Variants in DNAH7 observed in about 807,000 individuals in gnomAD.
DNAH7 encodes dynein axonemal heavy chain 7, also known as axonemal beta dynein heavy chain 7.
A neutral mutation model predicts 444.6 loss-of-function variants in DNAH7; 397 were observed. That is an observed-to-expected ratio of 0.89 (90% confidence interval 0.82 to 0.97). DNAH7 has a LOEUF of 0.97. Among genes scored for constraint, DNAH7 ranks in the 50% least tolerant of loss-of-function variants. The pLI is 0.00. For synonymous variants in DNAH7, 1,636 were observed against 1,624.4 expected (o/e 1.01, Z -0.17); for missense variants, 4,902 against 4,800.8 (o/e 1.02, Z -0.62).
At chr2:195,871,134 C>T (rs578147313) in intron 40 of DNAH7, among the ~76,000 whole-genome samples, 4 of 152,242 alleles carry the variant, frequency 2.6e-5, no homozygotes, top group African/African-American at 4.8e-5. Flanking sequence ...GCAAGTGGAA[C>T]GGATCTTCAC....
At chr2:195,973,700 A>C (rs1691999050) in intron 15 of DNAH7, among the ~76,000 whole-genome samples, 1 of 151,954 alleles carries the variant, frequency 6.6e-6, no homozygotes, top group Admixed American at 6.6e-5. Context: ...TCGAACTCCT[A>C]ATCTCAGGTG....
chr2:195,848,519 T>C (rs1455900100), intron 46 of DNAH7, among the ~76,000 whole-genome samples: 3 of 152,218 alleles, frequency 2.0e-5, no homozygotes, highest in African/African-American at 7.2e-5. Context: ...TTATATGAGC[T>C]TATGTGTGAT....
At chr2:195,939,946 C>G (rs1270993253) in intron 19 of DNAH7, among the ~76,000 whole-genome samples, 1 of 152,122 alleles carries the variant, frequency 6.6e-6, no homozygotes, top group African/African-American at 2.4e-5. Context: ...GGCCATACTG[C>G]CCAAAGTAAT....
At chr2:195,881,707 A>AT in intron 36 of DNAH7, 88 bp downstream of exon 36, 1 of 1,380,070 alleles carries the variant, frequency 7.2e-7, no homozygotes, top group Non-Finnish European at 1.0e-6. Flanking sequence ...GTACTTGAGT[A>AT]TTTTTAAAAA....
At chr2:195,792,809 G>C (rs1413322324) in intron 57 of DNAH7, among the ~76,000 whole-genome samples, 1 of 151,906 alleles carries the variant, frequency 6.6e-6, no homozygotes, top group African/African-American at 2.4e-5. Context: ...GGGAGGGATG[G>C]TCAGGGGAAG....
intron 1 of DNAH7, among the ~76,000 whole-genome samples, chr2:196,066,565 A>T (rs1698441218): frequency 6.6e-6 from 1 of 152,152 alleles, no homozygotes; most frequent in Admixed American, 6.5e-5. Flanking sequence ...AAACCTCTCA[A>T]AGTTTTTCAA....
chr2:196,036,115 T>C (rs1480500114), intron 5 of DNAH7, among the ~76,000 whole-genome samples: 1 of 148,354 alleles, frequency 6.7e-6, no homozygotes, highest in Non-Finnish European at 1.5e-5. Flanking sequence ...CACTGAAACC[T>C]CTGCCTCCTG....
At chr2:195,812,533 C>T (rs945640768) in intron 51 of DNAH7, among the ~76,000 whole-genome samples, 1 of 151,904 alleles carries the variant, frequency 6.6e-6, no homozygotes, top group Non-Finnish European at 1.5e-5. Context: ...TATTCTGTTA[C>T]ATAAATTCTA....
intron 3 of DNAH7, among the ~76,000 whole-genome samples, chr2:196,049,300 A>G (rs541146922): frequency 1.3e-5 from 2 of 152,304 alleles, no homozygotes; most frequent in East Asian, 3.9e-4. Flanking sequence ...GGATAAGAAA[A>G]CATGTAAGAC....
intron 64 of DNAH7, among the ~76,000 whole-genome samples, chr2:195,740,389 C>A: frequency 6.6e-6 from 1 of 152,040 alleles, no homozygotes; most frequent in Non-Finnish European, 1.5e-5. Context: ...AATGACTCAA[C>A]ATTGTGTATT....
chr2:195,817,751 G>A lies in DNAH7; in HGVS notation c.9370C>T (p.Pro3124Ser). 6.2e-7 allele frequency: 1 copy of A among 1,612,898 alleles called. No individual in the cohort carries two copies. The change falls in exon 50 of 65, where the codon CCA (proline) becomes TCA (serine). Residue 3124 changes from proline to serine, a missense_variant. Coordinates refer to ENST00000312428, the MANE Select transcript of DNAH7 (RefSeq NM_018897.3). ...LLGIVVAQER[P>S]DLEEEKQALI... ...GCTTGCTTTTCTTCTTCAAGGTCTG[G>A]CCTTTCTTGTGCCACCACAATTCCC...
At chr2:195,807,283 A>G (rs1559110948) in intron 53 of DNAH7, among the ~76,000 whole-genome samples, 2 of 151,888 alleles carry the variant, frequency 1.3e-5, no homozygotes, top group East Asian at 1.9e-4. Context: ...CAGCCTCCTG[A>G]GTAACTGGGA....
intron 6 of DNAH7, among the ~76,000 whole-genome samples, chr2:196,027,485 C>T (rs10931716): frequency 0.73 from 110,736 of 151,774 alleles, 40,563 homozygotes; most frequent in East Asian, 0.9. Flanking sequence ...CTTCAATATA[C>T]GTTCACAAAT....
At position 195,960,571 on chromosome 2, in the gene DNAH7, AAT is replaced by A; in HGVS notation, c.2578_2579del (p.Ile860CysfsTer10). On this transcript the variant is annotated frameshift_variant, in exon 18 of 65. Coordinates refer to ENST00000312428, the MANE Select transcript of DNAH7 (RefSeq NM_018897.3). LOFTEE classifies it high-confidence loss of function. Reference protein sequence around the residue: ...RPRHWEAMSAIVGYPLQPSDD... With the variant: ...RPRHWEAMSAXVGYPLQPSDD... ...CTGATGGCTGCAAAGGGTAACCAAC[AAT>A]GGCAGACATGGCCTCCCAGTGCCTG... The A allele has an allele frequency of 6.2e-7, 1 of 1,614,222 alleles. No homozygotes were observed. The highest frequency in any genetic ancestry group is 8.5e-7 in the Non-Finnish European group (1 of 1,180,040).
rs753154411 is a variant in DNAH7 at position 195,886,220 on chromosome 2, A to G, written c.5459T>C (p.Ile1820Thr). 1.2e-6 allele frequency: 2 copies of G among 1,613,890 alleles called. No homozygotes were observed. Among genetic ancestry groups the G allele is most frequent in the Non-Finnish European group, 1.7e-6 (2 of 1,179,870 alleles). ...TNLVRSLMNL[I>T]DCFMDDFADE... ...AGCAAAATCATCCATAAAACAGTCT[A>G]TTAGATTCATTAAGGACCGGACCAA... The change falls in exon 34 of 65, where the codon ATA becomes ACA. Residue 1820 changes from isoleucine (I) to threonine (T), a missense_variant. Ile to Thr is a moderately conservative substitution (Grantham distance 89, BLOSUM62 -1). Coordinates refer to ENST00000312428, the MANE Select transcript of DNAH7 (RefSeq NM_018897.3).
intron 19 of DNAH7, among the ~76,000 whole-genome samples, chr2:195,938,590 A>G (rs975175442): frequency 1.3e-5 from 2 of 152,188 alleles, no homozygotes; most frequent in Non-Finnish European, 2.9e-5. Flanking sequence ...CAATGTTTCC[A>G]TTCTTAATCT....
intron 19 of DNAH7, among the ~76,000 whole-genome samples, chr2:195,955,246 T>C (rs1020999481): frequency 5.3e-5 from 8 of 152,232 alleles, no homozygotes; most frequent in Non-Finnish European, 1.2e-4. Flanking sequence ...TACATATGGC[T>C]AGCCAGTTTT....
intron 21 of DNAH7, 56 bp downstream of exon 21, chr2:195,934,535 T>C (rs1688917144): frequency 6.5e-7 from 1 of 1,538,442 alleles, no homozygotes; most frequent in Non-Finnish European, 9.0e-7. Flanking sequence ...AGAATATTTC[T>C]AATAACATTC....
In DNAH7 at chr2:195,895,158, C is replaced by T. The variant is rs1032406453; in HGVS notation, c.4714G>A (p.Ala1572Thr). ...ATGGAGGCACAATTGTCTTTGATAGCTGCCAGCAAATCATTGTAATCTGGT... is the reference window on the plus strand; with the variant it reads ...ATGGAGGCACAATTGTCTTTGATAGTTGCCAGCAAATCATTGTAATCTGGT... ...PKPDYNDLLA[A>T]IKDNCASMNL... The change falls in exon 30 of 65, where the codon GCT (alanine) becomes ACT (threonine). Residue 1572 changes from alanine to threonine, a missense_variant. Physicochemically the swap from Ala to Thr is moderately conservative, Grantham distance 58. Coordinates refer to ENST00000312428, the MANE Select transcript of DNAH7 (RefSeq NM_018897.3). 6 of 1,612,940 alleles carry T rather than the reference C, an allele frequency of 3.7e-6. No homozygotes were observed. Among genetic ancestry groups the T allele is most frequent in the African/African-American group, 2.7e-5 (2 of 74,876 alleles).
Sources: allele counts gnomAD v4.1 joint callset (sites outside exome capture counted in the v4.1 genomes callset), GRCh38; gene constraint gnomAD v4.1.1; transcripts MANE v1.5; gene names NCBI Gene and HGNC (gene_info 2026-07-23, HGNC 2026-07-21).